Variants in TBC1D22A observed in about 807,000 individuals in gnomAD.
TBC1D22A encodes the protein putative GTPase activator.
In TBC1D22A, 38 loss-of-function variants were observed where a neutral mutation model predicts 60.2. That is an observed-to-expected ratio of 0.63 (90% CI 0.49 to 0.83). The LOEUF (loss-of-function observed/expected upper bound fraction) is 0.83, where lower values mean the gene tolerates loss of function less well. Ranked by LOEUF, TBC1D22A falls within the 40% of genes least tolerant of loss-of-function variation. TBC1D22A has a pLI of 0.00. For synonymous variants in TBC1D22A, 302 were observed against 281.7 expected (o/e 1.07, Z -0.72); for missense variants, 628 against 701.0 (o/e 0.90, Z 1.18).
At chr22:47,023,271 G>A (rs1042340881) in intron 10 of TBC1D22A, among the ~76,000 whole-genome samples, 44 of 152,252 alleles carry the variant, frequency 2.9e-4, no homozygotes, top group African/African-American at 9.1e-4. Flanking sequence ...ATTAGACTTT[G>A]TACAAGAAAA....
chr22:46,882,466 G>A (rs191291947), intron 5 of TBC1D22A, among the ~76,000 whole-genome samples: 1 of 152,310 alleles, frequency 6.6e-6, no homozygotes. Context: ...GCAAGGTGGG[G>A]CATACATGAG....
At chr22:47,019,581 G>A (rs1022309348) in intron 10 of TBC1D22A, among the ~76,000 whole-genome samples, 2 of 152,050 alleles carry the variant, frequency 1.3e-5, no homozygotes, top group Non-Finnish European at 2.9e-5. Flanking sequence ...GGAGGATGGG[G>A]CAGCAGAATC....
intron 10 of TBC1D22A, among the ~76,000 whole-genome samples, chr22:47,010,465 G>A (rs1273760557): frequency 2.6e-5 from 4 of 152,228 alleles, no homozygotes. Context: ...TGTTATGTGC[G>A]ACCTAAGGTG....
intron 12 of TBC1D22A, among the ~76,000 whole-genome samples, chr22:47,122,789 C>G (rs893669730): frequency 3.9e-5 from 6 of 152,228 alleles, no homozygotes; most frequent in African/African-American, 1.4e-4. Context: ...CCTCACCCGT[C>G]CCCTGGCCTC....
intron 9 of TBC1D22A, among the ~76,000 whole-genome samples, chr22:46,976,369 C>G (rs2074295578): frequency 6.6e-6 from 1 of 152,206 alleles, no homozygotes. Context: ...ATGGATTCCA[C>G]ATGATCCTCC....
chr22:47,131,644 C>T (rs2066681784), intron 12 of TBC1D22A, among the ~76,000 whole-genome samples: 1 of 152,254 alleles, frequency 6.6e-6, no homozygotes, highest in South Asian at 2.1e-4. Context: ...GAAGCAAGGG[C>T]ATGTCAAGGC....
intron 5 of TBC1D22A, among the ~76,000 whole-genome samples, chr22:46,885,849 A>T (rs569421511): frequency 1.1e-4 from 17 of 151,956 alleles, no homozygotes; most frequent in African/African-American, 3.9e-4. Flanking sequence ...GCACCGCAGA[A>T]CCACGCCTGG....
At chr22:46,943,483 G>A (rs1285632387) in intron 8 of TBC1D22A, among the ~76,000 whole-genome samples, 1 of 152,220 alleles carries the variant, frequency 6.6e-6, no homozygotes, top group East Asian at 1.9e-4. Context: ...AGCGGCATGG[G>A]CTGCTGGTCC....
At chr22:46,948,839 G>A (rs2072717088) in intron 8 of TBC1D22A, among the ~76,000 whole-genome samples, 2 of 152,166 alleles carry the variant, frequency 1.3e-5, no homozygotes, top group African/African-American at 4.8e-5. Flanking sequence ...ACATGCTACC[G>A]AAGTCAGAAA....
At chr22:46,770,398 C>A (rs1349239519) in intron 1 of TBC1D22A, among the ~76,000 whole-genome samples, 1 of 152,202 alleles carries the variant, frequency 6.6e-6, no homozygotes, top group Non-Finnish European at 1.5e-5. Context: ...GTGATGAGAC[C>A]CATGCCGGAT....
intron 12 of TBC1D22A, among the ~76,000 whole-genome samples, chr22:47,164,261 G>A (rs941605379): frequency 4.6e-5 from 7 of 152,224 alleles, no homozygotes; most frequent in Non-Finnish European, 8.8e-5. Context: ...CCTTAGACAT[G>A]GGCCTCTGTG....
intron 5 of TBC1D22A, among the ~76,000 whole-genome samples, chr22:46,889,025 T>C (rs2068260957): frequency 6.6e-6 from 1 of 152,158 alleles, no homozygotes; most frequent in African/African-American, 2.4e-5. Flanking sequence ...TAAAATAAGA[T>C]ACAGGAACAC....
intron 12 of TBC1D22A, among the ~76,000 whole-genome samples, chr22:47,165,640 A>C (rs973136109): frequency 2.0e-5 from 3 of 152,116 alleles, no homozygotes; most frequent in African/African-American, 7.2e-5. Context: ...GGCTTGCTGC[A>C]TGCCTCCTGG....
intron 11 of TBC1D22A, among the ~76,000 whole-genome samples, chr22:47,103,521 A>G (rs750035563): frequency 6.6e-6 from 1 of 152,150 alleles, no homozygotes; most frequent in African/African-American, 2.4e-5. Flanking sequence ...GCTCTGCCTC[A>G]TTTCTACTTG....
rs148175552 is a variant in TBC1D22A, at chr22:46,866,205, A to G, written c.638-12448A>G. On this transcript the variant is annotated intron_variant, in intron 4 of 12. Transcript: ENST00000337137. The stretch of plus-strand genomic sequence containing the variant: ...CCGCAACCTCCTCCTCCTGGGTTCA[A>G]GCGATTCTCCTGCTTCAGCCTCCCA... Among the ~76,000 whole-genome samples, 525 of 152,298 alleles carry G rather than the reference A, an allele frequency of 3.4e-3. 2 individuals are homozygous for G. Among genetic ancestry groups the G allele is most frequent in the African/African-American group, 0.012 (505 of 41,554 alleles).
chr22:46,910,284 T>C (rs2147772163), intron 7 of TBC1D22A, among the ~76,000 whole-genome samples: 1 of 152,220 alleles, frequency 6.6e-6, no homozygotes. Context: ...GTCATGCCAC[T>C]CTGGGTAGTC....
At position 47,160,955 on chromosome 22, in the gene TBC1D22A, G is replaced by T. The variant is rs2337239; in HGVS notation, c.1426-12543G>T. 9.5e-3 allele frequency among the ~76,000 whole-genome samples: 534 copies of T among 56,442 alleles called. 10 individuals are homozygous for T. The East Asian group carries it at 0.22, about 23-fold the overall frequency. The allele number at this position is 56,442 out of a possible 152,430, so 37.0% of individuals were successfully genotyped here. ...CCTGCGGTTTAGGAGGGACCCCGGG[G>T]GCCTTGGCTGCTCCCTGAGCCTTTC... On this transcript the variant is annotated intron_variant, in intron 12 of 12. Transcript: ENST00000337137.
intron 4 of TBC1D22A, among the ~76,000 whole-genome samples, chr22:46,853,008 C>T (rs2087366750): frequency 6.6e-6 from 1 of 152,206 alleles, no homozygotes; most frequent in South Asian, 2.1e-4. Flanking sequence ...TCCAATGCTG[C>T]TTCTGTTGGG....
At chr22:46,898,253 C>G (rs2068789292) in intron 7 of TBC1D22A, among the ~76,000 whole-genome samples, 1 of 152,154 alleles carries the variant, frequency 6.6e-6, no homozygotes, top group Admixed American at 6.5e-5. Flanking sequence ...GCAATTGGTC[C>G]TCTTGTCTCT....
Sources: allele counts gnomAD v4.1 joint callset (sites outside exome capture counted in the v4.1 genomes callset), GRCh38; gene constraint gnomAD v4.1.1; transcripts MANE v1.5; gene names NCBI Gene and HGNC (gene_info 2026-07-23, HGNC 2026-07-21).